The following CAMTA1 variants were observed in gnomAD, a reference collection of about 807,000 sequenced individuals.
CAMTA1 encodes the protein calmodulin binding transcription activator 1, also known as calmodulin-binding transcription activator 1.
Under a neutral mutation model 170.9 loss-of-function variants are expected in CAMTA1, and 27 were observed. That is an observed-to-expected ratio of 0.16 (90% CI 0.12 to 0.22). The LOEUF (loss-of-function observed/expected upper bound fraction) is 0.22, where lower values mean the gene tolerates loss of function less well. Ranked by LOEUF, CAMTA1 falls within the 10% of genes least tolerant of loss-of-function variation. CAMTA1 has a pLI of 1.00. For synonymous variants in CAMTA1, 833 were observed against 891.5 expected, an observed-to-expected ratio of 0.93 and a Z score of 1.17; for missense variants, 1,619 against 2,217.2, an observed-to-expected ratio of 0.73 and a Z score of 5.42.
chr1:7,473,102 C>T (rs896622995), intron 6 of CAMTA1, among the ~76,000 whole-genome samples: 1 of 152,168 alleles, frequency 6.6e-6, no homozygotes, highest in African/African-American at 2.4e-5. Context: ...AGTGGGCCTT[C>T]CATCCCCAGA....
intron 11 of CAMTA1, among the ~76,000 whole-genome samples, chr1:7,704,066 G>C (rs1277799821): frequency 6.6e-6 from 1 of 151,852 alleles, no homozygotes; most frequent in Non-Finnish European, 1.5e-5. Context: ...CCCTCCCCGG[G>C]TCCTCGGGCC....
chr1:7,471,890 C>T (rs1200479925), intron 6 of CAMTA1, among the ~76,000 whole-genome samples: 3 of 152,228 alleles, frequency 2.0e-5, no homozygotes, highest in Non-Finnish European at 4.4e-5. Context: ...CTGCATTCTC[C>T]GCCTGCCCCC....
At chr1:7,726,337 C>G (rs1454122898) in intron 11 of CAMTA1, among the ~76,000 whole-genome samples, 3 of 152,080 alleles carry the variant, frequency 2.0e-5, no homozygotes, top group Non-Finnish European at 4.4e-5. Context: ...CTAACATTCA[C>G]CTATACACCC....
chr1:7,316,578 C>G (rs972523648), intron 5 of CAMTA1, among the ~76,000 whole-genome samples: 3 of 152,218 alleles, frequency 2.0e-5, no homozygotes, highest in Admixed American at 1.3e-4. Flanking sequence ...GGTGGCTGTA[C>G]TATTAACATC....
At chr1:7,285,372 A>C (rs1672209158) in intron 5 of CAMTA1, among the ~76,000 whole-genome samples, 1 of 152,040 alleles carries the variant, frequency 6.6e-6, no homozygotes, top group Non-Finnish European at 1.5e-5. Flanking sequence ...GCGCTGATGC[A>C]CCTTCGGGAA....
intron 5 of CAMTA1, among the ~76,000 whole-genome samples, chr1:7,434,877 CAA>C (rs779722434): frequency 2.3e-4 from 19 of 83,404 alleles, no homozygotes; most frequent in African/African-American, 1.3e-4. Flanking sequence ...CCTGTCTCTA[CAA>C]AAAAAAAAAA....
intron 3 of CAMTA1, among the ~76,000 whole-genome samples, chr1:6,986,353 G>A (rs948391095): frequency 2.6e-5 from 4 of 152,184 alleles, no homozygotes; most frequent in African/African-American, 9.7e-5. Flanking sequence ...TGCGAGGCAG[G>A]GGATACCACC....
At chr1:7,213,195 TTC>T (rs1659095708) in intron 4 of CAMTA1, among the ~76,000 whole-genome samples, 2 of 152,236 alleles carry the variant, frequency 1.3e-5, no homozygotes, top group African/African-American at 4.8e-5. Flanking sequence ...CAAAGCACTT[TTC>T]AAAGTAGCCG....
chr1:7,654,521 TAC>T (rs975732733), intron 7 of CAMTA1, among the ~76,000 whole-genome samples: 33 of 145,756 alleles, frequency 2.3e-4, no homozygotes, highest in African/African-American at 8.4e-4. Flanking sequence ...TACACTCCTA[TAC>T]ACACAAACAC....
At chr1:7,143,608 C>T (rs933403059) in intron 4 of CAMTA1, among the ~76,000 whole-genome samples, 9 of 152,160 alleles carry the variant, frequency 5.9e-5, no homozygotes, top group Admixed American at 4.6e-4. Flanking sequence ...AGGTTCTTCT[C>T]CCAAAGGATT....
chr1:7,009,499 G>A (rs567793423), intron 3 of CAMTA1, among the ~76,000 whole-genome samples: 14 of 152,330 alleles, frequency 9.2e-5, no homozygotes, highest in Non-Finnish European at 1.8e-4. Flanking sequence ...TGCATCTGAT[G>A]CATCTGCACT....
At chr1:7,186,980 AG>A (rs35991367) in intron 4 of CAMTA1, among the ~76,000 whole-genome samples, 5 of 151,926 alleles carry the variant, frequency 3.3e-5, no homozygotes, top group Admixed American at 2.0e-4. Flanking sequence ...TCTTCTTAGT[AG>A]GGGGTAATTC....
At chr1:7,614,411 G>A (rs1316208294) in intron 6 of CAMTA1, among the ~76,000 whole-genome samples, 1 of 151,168 alleles carries the variant, frequency 6.6e-6, no homozygotes, top group Admixed American at 6.6e-5. Flanking sequence ...AAGGAGAAGA[G>A]ATGAAGATTC....
At chr1:7,650,640 G>A (rs906546590) in intron 7 of CAMTA1, among the ~76,000 whole-genome samples, 4 of 152,142 alleles carry the variant, frequency 2.6e-5, no homozygotes, top group Non-Finnish European at 5.9e-5. Flanking sequence ...GCTCACTGGG[G>A]ACACGGCAGA....
At chr1:6,786,782 C>G (rs1330957401) in intron 1 of CAMTA1, among the ~76,000 whole-genome samples, 3 of 152,146 alleles carry the variant, frequency 2.0e-5, no homozygotes, top group African/African-American at 7.2e-5. Context: ...AGTTCCTTGT[C>G]TGGGTGAGAG....
At position 7,435,077 on chromosome 1, in the gene CAMTA1, G is replaced by A. The variant is rs1381233351; in HGVS notation, c.439-32753G>A. 2.0e-5 allele frequency among the ~76,000 whole-genome samples: 3 copies of A among 152,018 alleles called. No individual in the cohort carries two copies. The highest frequency in any genetic ancestry group is 7.3e-5 in the African/African-American group (3 of 41,378). On this transcript the variant is annotated intron_variant, in intron 5 of 22. Transcript: ENST00000303635. This position sits in a 1 kb window ranked among gnomAD's most constrained non-coding sequence, Gnocchi z 4.4. Reference sequence around the variant, plus strand: ...AACAAGAAAAAAGAAAAAAAAGAAGGCAGAGGGCATGCTAGCTGAATGCTG... The same window carrying A: ...AACAAGAAAAAAGAAAAAAAAGAAGACAGAGGGCATGCTAGCTGAATGCTG...
chr1:7,110,319 G>GTTCTGAGGCAGCTTAATAGACATCGA lies in CAMTA1; in HGVS notation c.302+18951_302+18976dup, dbSNP rs1553248624. 2.0e-5 allele frequency among the ~76,000 whole-genome samples: 3 copies of GTTCTGAGGCAGCTTAATAGACATCGA among 151,932 alleles called. No homozygotes were observed. The South Asian group carries it at 6.2e-4, about 32-fold the overall frequency. On this transcript the variant is annotated intron_variant, in intron 4 of 22. Transcript: ENST00000303635. ...GTTTCTTTTCCTGAAGGGCTAGAAT[G>GTTCTGAGGCAGCTTAATAGACATCGA]TTCTGAGGCAGCTTAATAGACATCG...
rs943942708 is a variant in CAMTA1 at position 7,162,943 on chromosome 1, G to A, written c.302+71572G>A. Among the ~76,000 whole-genome samples the A allele has an allele frequency of 9.9e-5, 15 of 152,104 alleles. 1 individual carries two copies. In the South Asian group the frequency reaches 1.2e-3, roughly 13 times the overall value. ...TCACACCAGAGGTTTAGTTTTGAAC[G>A]TTTTGGCAGTTCCAGATCTCTCCTG... On this transcript the variant is annotated intron_variant, in intron 4 of 22. Transcript: ENST00000303635.
At chr1:7,745,771 C>T in intron 17 of CAMTA1, 74 bp from the exon 18 acceptor site, 1 of 1,573,888 alleles carries the variant, frequency 6.4e-7, no homozygotes, top group African/African-American at 1.3e-5. Flanking sequence ...ACCATCTTGG[C>T]TCATTCATTA....
Sources: gnomAD v4.1 joint callset for allele counts (sites outside exome capture counted in the v4.1 genomes callset) on GRCh38, gnomAD v4.1.1 for gene constraint, Gnocchi (gnomAD v3.1) non-coding constraint, MANE v1.5 for transcripts, NCBI Gene and HGNC (gene_info 2026-07-23, HGNC 2026-07-21) for gene names.